TRPM3: variants seen among roughly 807,000 people sequenced by gnomAD.
The protein encoded by TRPM3 is transient receptor potential cation channel subfamily M member 3, also known as long transient receptor potential channel 3.
TRPM3 carries 77 observed loss-of-function variants against 181.2 expected under a neutral mutation model. The observed-to-expected ratio is 0.42, with a 90% confidence interval of 0.35 to 0.51. The LOEUF (loss-of-function observed/expected upper bound fraction) is 0.51. Among genes scored for constraint, TRPM3 ranks in the 20% least tolerant of loss-of-function variants. TRPM3 has a pLI of 0.01. For missense variants in TRPM3, 1,759 were observed against 2,196.7 expected (o/e 0.80, Z 3.98); for synonymous variants, 745 against 796.4 (o/e 0.94, Z 1.09).
chr9:70,610,595 G>A lies in TRPM3; in HGVS notation c.2667+14C>T. On this transcript the variant is annotated intron_variant, in intron 19 of 25. Transcript: ENST00000677713. ...TGGCCATCCACTAGGAAGGAGAAAAGGAAATGTGCTTACTGTGTAGAACCA... is the reference window on the plus strand; with the variant it reads ...TGGCCATCCACTAGGAAGGAGAAAAAGAAATGTGCTTACTGTGTAGAACCA... The A allele has an allele frequency of 1.9e-6, 3 of 1,610,884 alleles. No individual in the cohort carries two copies. The highest frequency in any genetic ancestry group is 1.3e-5 in the African/African-American group (1 of 74,984).
chr9:71,216,773 A>C (rs1479677495), intron 1 of TRPM3, among the ~76,000 whole-genome samples: 1 of 152,136 alleles, frequency 6.6e-6, no homozygotes, highest in East Asian at 1.9e-4. Context: ...CTAGGTGCTC[A>C]ACACAGGTTC....
intron 1 of TRPM3, among the ~76,000 whole-genome samples, chr9:70,977,839 G>A (rs953051633): frequency 6.6e-6 from 1 of 152,198 alleles, no homozygotes; most frequent in Non-Finnish European, 1.5e-5. Flanking sequence ...GTGGGAAGTG[G>A]CACAAAGCTT....
At chr9:71,061,751 G>A (rs899035362) in intron 1 of TRPM3, among the ~76,000 whole-genome samples, 3 of 152,060 alleles carry the variant, frequency 2.0e-5, no homozygotes, top group Non-Finnish European at 4.4e-5. Flanking sequence ...AGATCTCTTG[G>A]AAGCTTGTGC....
At chr9:70,641,536 G>A (rs560051883) in intron 9 of TRPM3, among the ~76,000 whole-genome samples, 2 of 152,138 alleles carry the variant, frequency 1.3e-5, no homozygotes, top group African/African-American at 4.8e-5. Flanking sequence ...TATTTCCCAG[G>A]TTCTTATTTT....
At chr9:71,203,780 T>A (rs993929319) in intron 1 of TRPM3, among the ~76,000 whole-genome samples, 1 of 152,192 alleles carries the variant, frequency 6.6e-6, no homozygotes, top group Non-Finnish European at 1.5e-5. Context: ...TTGGCTGTCA[T>A]CATTCTTCCT....
intron 7 of TRPM3, among the ~76,000 whole-genome samples, chr9:70,772,012 TC>T (rs1206002408): frequency 6.6e-6 from 1 of 152,080 alleles, no homozygotes; most frequent in Non-Finnish European, 1.5e-5. Flanking sequence ...TCAAAAAATA[TC>T]TATCGAATGA....
chr9:71,206,771 A>G (rs930630849), intron 1 of TRPM3, among the ~76,000 whole-genome samples: 1 of 152,122 alleles, frequency 6.6e-6, no homozygotes, highest in Non-Finnish European at 1.5e-5. Flanking sequence ...CATAAGGAGT[A>G]AGGAAGGGGT....
chr9:71,171,269 G>T (rs1027906547), intron 1 of TRPM3, among the ~76,000 whole-genome samples: 5 of 152,106 alleles, frequency 3.3e-5, no homozygotes, highest in African/African-American at 4.8e-5. Context: ...ATCTCACCCT[G>T]CCTCCACTTG....
chr9:70,865,056 G>T (rs531556055), intron 1 of TRPM3, among the ~76,000 whole-genome samples: 2 of 145,600 alleles, frequency 1.4e-5, no homozygotes, highest in Non-Finnish European at 3.0e-5. Flanking sequence ...TGGGGGGGGG[G>T]AGGAAAATAA....
intron 8 of TRPM3, among the ~76,000 whole-genome samples, chr9:70,694,653 T>C (rs1205071824): frequency 6.6e-6 from 1 of 152,122 alleles, no homozygotes; most frequent in Non-Finnish European, 1.5e-5. Flanking sequence ...GCTAATTTTT[T>C]GTATTTTTAG....
intron 1 of TRPM3, among the ~76,000 whole-genome samples, chr9:70,955,081 A>AT (rs1196818093): frequency 6.6e-6 from 1 of 151,928 alleles, no homozygotes; most frequent in African/African-American, 2.4e-5. Flanking sequence ...AACTTGAAGC[A>AT]TTTTTTTCCC....
At chr9:70,876,424 T>C (rs1457531240) in intron 1 of TRPM3, among the ~76,000 whole-genome samples, 1 of 151,390 alleles carries the variant, frequency 6.6e-6, no homozygotes, top group Non-Finnish European at 1.5e-5. Flanking sequence ...ATACATTATA[T>C]GTACCCCAAG....
chr9:70,893,185 C>T (rs916492649), intron 1 of TRPM3, among the ~76,000 whole-genome samples: 3 of 152,030 alleles, frequency 2.0e-5, no homozygotes, highest in African/African-American at 7.3e-5. Flanking sequence ...GAAACTATTC[C>T]CCACAGGTCC....
intron 1 of TRPM3, among the ~76,000 whole-genome samples, chr9:71,414,661 CAT>C (rs1051999179): frequency 9.3e-4 from 142 of 152,032 alleles, no homozygotes; most frequent in African/African-American, 3.4e-3. Flanking sequence ...ATAAAATACA[CAT>C]AGATCTTGTG....
At chr9:71,055,536 C>A (rs1405470715) in intron 1 of TRPM3, among the ~76,000 whole-genome samples, 1 of 152,022 alleles carries the variant, frequency 6.6e-6, no homozygotes, top group East Asian at 1.9e-4. Flanking sequence ...AAGTATTCAA[C>A]ACACATCATG....
chr9:71,290,685 G>A (rs149782862), intron 1 of TRPM3, among the ~76,000 whole-genome samples: 144 of 152,196 alleles, frequency 9.5e-4, no homozygotes, highest in African/African-American at 3.3e-3. Context: ...TATAGAGTTA[G>A]AGTAATCAAG....
intron 3 of TRPM3, among the ~76,000 whole-genome samples, chr9:70,851,687 T>C (rs1178536851): frequency 1.3e-5 from 2 of 152,182 alleles, no homozygotes; most frequent in African/African-American, 4.8e-5. Context: ...AGAGAGTGAA[T>C]GAATGAATGA....
chr9:71,085,530 A>G (rs2065117324), intron 1 of TRPM3, among the ~76,000 whole-genome samples: 1 of 152,036 alleles, frequency 6.6e-6, no homozygotes, highest in Non-Finnish European at 1.5e-5. Context: ...TAGGCAAAAG[A>G]CATGAACAGA....
intron 22 of TRPM3, among the ~76,000 whole-genome samples, chr9:70,585,935 A>G (rs968404603): frequency 1.3e-5 from 2 of 151,992 alleles, no homozygotes; most frequent in Non-Finnish European, 2.9e-5. Context: ...CCTACTTCCT[A>G]TCTCTTGCCT....
Sources: allele counts gnomAD v4.1 joint callset (sites outside exome capture counted in the v4.1 genomes callset), GRCh38; gene constraint gnomAD v4.1.1; transcripts MANE v1.5; gene names NCBI Gene and HGNC (gene_info 2026-07-23, HGNC 2026-07-21).